RBBP5: variants seen among roughly 807,000 people sequenced by gnomAD.
RBBP5 encodes the protein retinoblastoma-binding protein 5.
Under a neutral mutation model 72.2 loss-of-function variants are expected in RBBP5, and 5 were observed. The ratio of observed to expected loss-of-function variants is 0.07; its 90% CI spans 0.04 to 0.15. The LOEUF (loss-of-function observed/expected upper bound fraction) is 0.15. RBBP5 is among the 10% of genes least tolerant of loss of function. The pLI is 1.00. For synonymous variants in RBBP5, 209 were observed against 237.2 expected, an observed-to-expected ratio of 0.88 and a Z score of 1.09; for missense variants, 322 against 652.2, an observed-to-expected ratio of 0.49 and a Z score of 5.51.
Position 205,087,332 on chromosome 1 carries a change from G to GT in RBBP5, c.*1454_*1455insA. On this transcript the variant is annotated 3_prime_UTR_variant, in exon 14 of 14. Transcript: ENST00000264515. Reference sequence around the variant, plus strand: ...CTGACTCAGCCTCCAGTGTAGCTGGGATTACAGGCATGTACTACCACGCCC... The same window carrying GT: ...CTGACTCAGCCTCCAGTGTAGCTGGGTATTACAGGCATGTACTACCACGCCC... 6.6e-6 allele frequency: 1 copy of GT among 151,982 alleles called. No individual in the cohort carries two copies. Among genetic ancestry groups the GT allele is most frequent in the African/African-American group, 2.4e-5 (1 of 41,410 alleles). 9.4% of individuals were successfully genotyped at this position (151,982 alleles called of 1,614,324 possible).
At chr1:205,120,889 C>T (rs1280594656) in intron 1 of RBBP5, among the ~76,000 whole-genome samples, 1 of 152,142 alleles carries the variant, frequency 6.6e-6, no homozygotes, top group Non-Finnish European at 1.5e-5. Context: ...ACTCTCTGTT[C>T]CAAACATTCT....
intron 2 of RBBP5, among the ~76,000 whole-genome samples, 170 bp downstream of exon 2, chr1:205,115,688 A>G (rs965745298): frequency 2.6e-5 from 4 of 152,222 alleles, no homozygotes; most frequent in African/African-American, 9.6e-5. Flanking sequence ...CACATTGCCT[A>G]TTTCCTCCCT....
chr1:205,111,866 C>G (rs1656328367), intron 3 of RBBP5, among the ~76,000 whole-genome samples: 1 of 152,088 alleles, frequency 6.6e-6, no homozygotes, highest in Non-Finnish European at 1.5e-5. Context: ...TACCTTGGCT[C>G]TTGTCATATC....
chr1:205,086,171 A>G lies in RBBP5; in HGVS notation c.*2616T>C, dbSNP rs1655135984. The G allele has an allele frequency of 6.6e-6, 1 of 152,132 alleles. No individual in the cohort carries two copies. 9.4% of individuals were successfully genotyped at this position (152,132 alleles called of 1,614,324 possible). A position where few individuals can be genotyped will look rare whatever the true frequency, so the allele number is the denominator to read the frequency against. On this transcript the variant is annotated 3_prime_UTR_variant, in exon 14 of 14. Coordinates refer to ENST00000264515, the MANE Select transcript of RBBP5 (RefSeq NM_005057.4). ...TTAATAAACATCCGATTTTATTTAC[A>G]AAGCATTAAAGCTTCAGCAAGAAGT...
At chr1:205,098,112 A>G (rs917266269) in intron 10 of RBBP5, among the ~76,000 whole-genome samples, 35 of 152,222 alleles carry the variant, frequency 2.3e-4, no homozygotes, top group African/African-American at 8.4e-4. Flanking sequence ...ATGGAAATTA[A>G]TATCTTAGTG....
rs117513468 is a variant in RBBP5, at chr1:205,116,541, G to A, written c.20-658C>T. ...TTTACTAAGGTAAGAGCAAGGAGCC[G>A]GGCTCGGTGGCTCACGCCTGTAATC... is the stretch of plus-strand genomic sequence containing the variant. On this transcript the variant is annotated intron_variant, in intron 1 of 13. Coordinates refer to ENST00000264515, the MANE Select transcript of RBBP5 (RefSeq NM_005057.4). Among the ~76,000 whole-genome samples the A allele has an allele frequency of 9.6e-4, 146 of 152,338 alleles. 2 individuals carry two copies. In the East Asian group the frequency reaches 0.012, roughly 13 times the overall value.
At position 205,088,464 on chromosome 1, in the gene RBBP5, T is replaced by C; in HGVS notation, c.*323A>G. ...AAAATGACGCTGGGTACAATGAAGT[T>C]AGATGAGCAAAACATAAGTATCTTT... is the stretch of plus-strand genomic sequence containing the variant. On this transcript the variant is annotated 3_prime_UTR_variant, in exon 14 of 14. Coordinates refer to ENST00000264515, the MANE Select transcript of RBBP5 (RefSeq NM_005057.4). The C allele has an allele frequency of 3.4e-6, 1 of 295,018 alleles. No homozygotes were observed. The allele number at this position is 295,018 out of a possible 1,614,324, so 18.3% of individuals were successfully genotyped here. A position where few individuals can be genotyped will look rare whatever the true frequency, so the allele number is the denominator to read the frequency against.
At chr1:205,121,325 G>C (rs527814800) in intron 1 of RBBP5, among the ~76,000 whole-genome samples, 134 of 152,342 alleles carry the variant, frequency 8.8e-4, no homozygotes, top group African/African-American at 2.9e-3. Context: ...AGAAAGTTAG[G>C]ATAATTGGAT....
At chr1:205,104,086 T>C in intron 4 of RBBP5, 67 bp from the exon 5 acceptor site, 1 of 1,545,498 alleles carries the variant, frequency 6.5e-7, no homozygotes, top group African/African-American at 1.4e-5. Flanking sequence ...CCCTGTCCTT[T>C]TCCCTGATCC....
chr1:205,113,550 C>A (rs1245513142), intron 3 of RBBP5, among the ~76,000 whole-genome samples: 2 of 152,014 alleles, frequency 1.3e-5, no homozygotes, highest in African/African-American at 4.8e-5. Flanking sequence ...TAGGCATGAG[C>A]CAACGCATCT....
chr1:205,103,174 G>A (rs990410400), intron 5 of RBBP5, among the ~76,000 whole-genome samples: 3 of 137,956 alleles, frequency 2.2e-5, no homozygotes, highest in Non-Finnish European at 3.0e-5. Flanking sequence ...GCAGTGAGCC[G>A]AGATCATGCA....
Position 205,088,691 on chromosome 1 carries a change from T to G in RBBP5, c.*96A>C. ...CCTCCTGGGTGGGAGGCACAGGCCT[T>G]TGTTTTAAATTAAAGTCAATTTTCA... On this transcript the variant is annotated 3_prime_UTR_variant, in exon 14 of 14. Coordinates refer to ENST00000264515, the MANE Select transcript of RBBP5 (RefSeq NM_005057.4). 1.5e-6 allele frequency: 2 copies of G among 1,330,762 alleles called. No homozygotes were observed. The highest frequency in any genetic ancestry group is 1.3e-5 in the South Asian group (1 of 77,164). 82.4% of individuals were successfully genotyped at this position (1,330,762 alleles called of 1,614,324 possible).
chr1:205,119,474 G>C (rs964974294), intron 1 of RBBP5, among the ~76,000 whole-genome samples: 5 of 152,130 alleles, frequency 3.3e-5, no homozygotes, highest in South Asian at 2.1e-4. Flanking sequence ...AAAGCCTTTT[G>C]CAAGATCCTG....
rs773065679 is a variant in RBBP5 at position 205,099,860 on chromosome 1, T to C, written c.907-48A>G. On this transcript the variant is annotated intron_variant, in intron 8 of 13. Coordinates refer to ENST00000264515, the MANE Select transcript of RBBP5 (RefSeq NM_005057.4). The surrounding 1 kb of genome is among the most constrained non-coding windows in gnomAD (Gnocchi z 4.7). ...AAAACAGGTTGTTAAGAACAGATTTTAGATTTTTTGGATTATGTGACTAAC... is the reference window on the plus strand; with the variant it reads ...AAAACAGGTTGTTAAGAACAGATTTCAGATTTTTTGGATTATGTGACTAAC... 2.5e-6 allele frequency: 4 copies of C among 1,613,722 alleles called. No individual in the cohort carries two copies. Among genetic ancestry groups the C allele is most frequent in the Non-Finnish European group, 3.4e-6 (4 of 1,179,702 alleles).
At chr1:205,116,964 T>C (rs993598784) in intron 1 of RBBP5, among the ~76,000 whole-genome samples, 15 of 152,192 alleles carry the variant, frequency 9.9e-5, no homozygotes, top group African/African-American at 3.4e-4. Flanking sequence ...CAACAGCAAA[T>C]AGCAGTTGAT....
At chr1:205,114,553 T>C (rs544496984) in intron 3 of RBBP5, among the ~76,000 whole-genome samples, 1 of 152,224 alleles carries the variant, frequency 6.6e-6, no homozygotes, top group Non-Finnish European at 1.5e-5. Context: ...AATATTTCAT[T>C]TCAGTATTGA....
At chr1:205,089,472 C>A (rs1002937608) in intron 13 of RBBP5, among the ~76,000 whole-genome samples, 6 of 152,154 alleles carry the variant, frequency 3.9e-5, no homozygotes, top group African/African-American at 1.2e-4. Flanking sequence ...GAAATATTAA[C>A]TAGGAAGTGT....
At position 205,102,799 on chromosome 1, in the gene RBBP5, G is replaced by C. The variant is rs541741893; in HGVS notation, c.522+1058C>G. The stretch of plus-strand genomic sequence containing the variant: ...ACCTGAGGTTGGGAGTTCAAGACCA[G>C]CCTGATCAACATGGAGAGACCCCGT... On this transcript the variant is annotated intron_variant, in intron 5 of 13. Coordinates refer to ENST00000264515, the MANE Select transcript of RBBP5 (RefSeq NM_005057.4). 2.6e-4 allele frequency among the ~76,000 whole-genome samples: 40 copies of C among 152,122 alleles called. 2 individuals are homozygous for C. The highest frequency in any genetic ancestry group is 2.4e-3 in the Admixed American group (36 of 15,272).
intron 1 of RBBP5, among the ~76,000 whole-genome samples, chr1:205,121,525 G>C (rs1656736944): frequency 6.6e-6 from 1 of 152,166 alleles, no homozygotes. Flanking sequence ...TTCATCCCAA[G>C]CCTCACTTCT....
Sources: allele counts gnomAD v4.1 joint callset (sites outside exome capture counted in the v4.1 genomes callset), GRCh38; gene constraint gnomAD v4.1.1; non-coding constraint Gnocchi (gnomAD v3.1); transcripts MANE v1.5; gene names NCBI Gene and HGNC (gene_info 2026-07-23, HGNC 2026-07-21).